The following EPB41L4A variants were observed in gnomAD, a reference collection of about 807,000 sequenced individuals.
EPB41L4A encodes the protein band 4.1-like protein 4A.
EPB41L4A carries 100 observed loss-of-function variants against 108.6 expected under a neutral mutation model. That is an observed-to-expected ratio of 0.92 (90% CI 0.78 to 1.09). EPB41L4A has a LOEUF of 1.09. Among genes scored for constraint, EPB41L4A ranks in the 50% least tolerant of loss-of-function variants. The pLI, the probability that EPB41L4A is intolerant of heterozygous loss-of-function variation, is 0.00. For missense variants in EPB41L4A, 1,030 were observed against 842.7 expected (o/e 1.22, Z -2.75); for synonymous variants, 319 against 289.0 (o/e 1.10, Z -1.05).
chr5:112,155,178 C>T (rs1237881646), intron 12 of EPB41L4A, among the ~76,000 whole-genome samples: 1 of 152,068 alleles, frequency 6.6e-6, no homozygotes, highest in African/African-American at 2.4e-5. Flanking sequence ...AGGAATAGTT[C>T]TTCAGATTAC....
At chr5:112,333,295 G>A (rs1218888823) in intron 1 of EPB41L4A, among the ~76,000 whole-genome samples, 1 of 151,718 alleles carries the variant, frequency 6.6e-6, no homozygotes, top group Non-Finnish European at 1.5e-5. Context: ...GGGTGGGAGA[G>A]GGAGATGTCA....
At chr5:112,281,091 A>G (rs1274614430) in intron 2 of EPB41L4A, among the ~76,000 whole-genome samples, 1 of 152,214 alleles carries the variant, frequency 6.6e-6, no homozygotes, top group Non-Finnish European at 1.5e-5. Context: ...GCAACTGGAC[A>G]CCACTGGACC....
intron 1 of EPB41L4A, among the ~76,000 whole-genome samples, chr5:112,355,605 C>CAAT (rs1758312810): frequency 6.6e-6 from 1 of 152,130 alleles, no homozygotes; most frequent in Non-Finnish European, 1.5e-5. Flanking sequence ...ATGTGGAAAA[C>CAAT]AATACTCTTC....
At chr5:112,204,242 C>T in intron 15 of EPB41L4A, 133 bp downstream of exon 15, 1 of 591,278 alleles carries the variant, frequency 1.7e-6, no homozygotes, top group Non-Finnish European at 3.1e-6. Flanking sequence ...TATTTTATGT[C>T]AAAAAGAGTA....
At chr5:112,154,241 A>G (rs17265886) in intron 12 of EPB41L4A, among the ~76,000 whole-genome samples, 26,774 of 152,148 alleles carry the variant, frequency 0.18, 2,466 homozygotes, top group Non-Finnish European at 0.21. Flanking sequence ...AGTTCACCTG[A>G]CTCATAGTAA....
At chr5:112,226,338 CCT>C (rs1748450145) in intron 12 of EPB41L4A, among the ~76,000 whole-genome samples, 1 of 152,104 alleles carries the variant, frequency 6.6e-6, no homozygotes, top group South Asian at 2.1e-4. Context: ...TTTTGAATTC[CCT>C]GATCCAGAGC....
At chr5:112,226,226 C>A (rs535819327) in intron 12 of EPB41L4A, among the ~76,000 whole-genome samples, 1 of 152,292 alleles carries the variant, frequency 6.6e-6, no homozygotes, top group Admixed American at 6.5e-5. Flanking sequence ...AGTTTCCAGT[C>A]TCTGTGATGA....
At position 112,418,931 on chromosome 5, in the gene EPB41L4A, C is replaced by A. The variant is rs372536786; in HGVS notation, c.99+10G>T. 54 of 1,609,736 alleles carry A rather than the reference C, an allele frequency of 3.4e-5. No homozygotes were observed. The highest frequency in any genetic ancestry group is 5.0e-5 in the Admixed American group (3 of 59,898). ...GCCAACCCCCGGAACGCGCTCCGGG[C>A]CGCACCCACCTTGATGCCCTGCTGC... On this transcript the variant is annotated intron_variant, in intron 1 of 22. Transcript: ENST00000261486.
chr5:112,328,196 C>T (rs1432868222), intron 1 of EPB41L4A, among the ~76,000 whole-genome samples: 1 of 152,014 alleles, frequency 6.6e-6, no homozygotes, highest in Non-Finnish European at 1.5e-5. Context: ...GTAGTCCCAG[C>T]TACTTTGGAA....
chr5:112,399,999 G>C (rs941574948), intron 1 of EPB41L4A, among the ~76,000 whole-genome samples: 4 of 152,192 alleles, frequency 2.6e-5, no homozygotes, highest in African/African-American at 7.2e-5. Flanking sequence ...AGAAATACCT[G>C]AGACTGGGTG....
Position 112,170,929 on chromosome 5 carries a change from G to A in EPB41L4A, c.1670+16C>T. ...ACATGGGTTTTAAAACAATAAGAAA[G>A]AAAACTATTACTCACTGAATGTGCT... On this transcript the variant is annotated intron_variant, in intron 19 of 22. Transcript: ENST00000261486. 1 of 1,610,460 alleles carries A rather than the reference G, an allele frequency of 6.2e-7. No individual in the cohort carries two copies. Among genetic ancestry groups the A allele is most frequent in the Non-Finnish European group, 8.5e-7 (1 of 1,177,020 alleles).
At chr5:112,269,363 A>G (rs1752098265) in intron 4 of EPB41L4A, among the ~76,000 whole-genome samples, 1 of 152,174 alleles carries the variant, frequency 6.6e-6, no homozygotes, top group Non-Finnish European at 1.5e-5. Context: ...CAAATTTGTG[A>G]TAAAGTAAAA....
At chr5:112,203,382 C>G (rs1055734073) in intron 15 of EPB41L4A, among the ~76,000 whole-genome samples, 9 of 151,862 alleles carry the variant, frequency 5.9e-5, no homozygotes, top group African/African-American at 2.2e-4. Context: ...ACCACAAAAA[C>G]CAAAAAAAGG....
intron 9 of EPB41L4A, among the ~76,000 whole-genome samples, chr5:112,248,334 TCA>T (rs1356505301): frequency 2.6e-5 from 4 of 152,196 alleles, no homozygotes; most frequent in Non-Finnish European, 5.9e-5. Flanking sequence ...TTCTACTCAT[TCA>T]CACAGATGAA....
chr5:112,228,332 A>T (rs1007623557), intron 12 of EPB41L4A: 1 of 152,258 alleles, frequency 6.6e-6, no homozygotes, highest in Admixed American at 6.5e-5. Flanking sequence ...CTGCACAGAA[A>T]CAACTGGCTT....
chr5:112,380,457 CTCTAAA>C (rs929076864), intron 1 of EPB41L4A, among the ~76,000 whole-genome samples: 11 of 152,010 alleles, frequency 7.2e-5, no homozygotes, highest in Admixed American at 3.9e-4. Flanking sequence ...GATAAAATAA[CTCTAAA>C]GATAGATAGG....
chr5:112,315,818 T>A (rs1379639580), intron 1 of EPB41L4A, among the ~76,000 whole-genome samples: 1 of 151,892 alleles, frequency 6.6e-6, no homozygotes, highest in Non-Finnish European at 1.5e-5. Flanking sequence ...TTTTCCATCA[T>A]CAAAAAAATA....
intron 17 of EPB41L4A, among the ~76,000 whole-genome samples, chr5:112,188,075 CA>C (rs1399826449): frequency 2.6e-5 from 4 of 152,228 alleles, no homozygotes; most frequent in African/African-American, 9.6e-5. Flanking sequence ...TTACACTCTT[CA>C]ACTATAGCAT....
chr5:112,242,300 G>T (rs189086881), intron 9 of EPB41L4A, among the ~76,000 whole-genome samples: 1 of 152,268 alleles, frequency 6.6e-6, no homozygotes, highest in Admixed American at 6.5e-5. Flanking sequence ...TAAATCCTTT[G>T]TTGTCATTTT....
Sources: allele counts gnomAD v4.1 joint callset (sites outside exome capture counted in the v4.1 genomes callset), GRCh38; gene constraint gnomAD v4.1.1; transcripts MANE v1.5; gene names NCBI Gene and HGNC (gene_info 2026-07-23, HGNC 2026-07-21).